The following CNTN4 variants were observed in gnomAD, a reference collection of about 807,000 sequenced individuals.
The protein encoded by CNTN4 is contactin 4.
Under a neutral mutation model 122.5 loss-of-function variants are expected in CNTN4, and 77 were observed. The observed-to-expected ratio is 0.63, with a 90% CI of 0.52 to 0.76. CNTN4 has a LOEUF of 0.76. Among genes scored for constraint, CNTN4 ranks in the 30% least tolerant of loss-of-function variants. The pLI is 0.00. For missense variants in CNTN4, 1,256 were observed against 1,259.1 expected, an observed-to-expected ratio of 1.00 and a Z score of 0.04; for synonymous variants, 512 against 447.0, an observed-to-expected ratio of 1.15 and a Z score of -1.83.
intron 4 of CNTN4, among the ~76,000 whole-genome samples, chr3:2,729,363 G>A (rs985895744): frequency 1.3e-5 from 2 of 151,008 alleles, no homozygotes; most frequent in Non-Finnish European, 2.9e-5. Flanking sequence ...AGGAGATTGA[G>A]ACCATCCCGG....
intron 7 of CNTN4, among the ~76,000 whole-genome samples, chr3:2,850,248 A>G (rs1016733856): frequency 9.2e-5 from 14 of 152,146 alleles, no homozygotes; most frequent in African/African-American, 3.4e-4. Flanking sequence ...TGAGTCTCCC[A>G]AAGTGCAGGG....
At chr3:2,622,430 T>G (rs2082025450) in intron 4 of CNTN4, among the ~76,000 whole-genome samples, 1 of 152,148 alleles carries the variant, frequency 6.6e-6, no homozygotes, top group African/African-American at 2.4e-5. Context: ...CAGTTGGGAT[T>G]ACAAGTGTGT....
In CNTN4 at chr3:2,841,440, G is replaced by A. The variant is rs1034024361; in HGVS notation, c.454+21859G>A. The stretch of plus-strand genomic sequence containing the variant: ...ACATTTACAAATAAAAGAGGATTAG[G>A]ATTATTTTCATTTTAATATTCCCAC... On this transcript the variant is annotated intron_variant, in intron 7 of 24. Transcript: ENST00000418658. The surrounding 1 kb of genome is among the most constrained non-coding windows in gnomAD (Gnocchi z 4.8). 1.3e-5 allele frequency among the ~76,000 whole-genome samples: 2 copies of A among 152,148 alleles called. No homozygotes were observed. Among genetic ancestry groups the A allele is most frequent in the Non-Finnish European group, 2.9e-5 (2 of 68,038 alleles).
intron 3 of CNTN4, among the ~76,000 whole-genome samples, chr3:2,354,953 G>A (rs1349301316): frequency 6.6e-6 from 1 of 152,230 alleles, no homozygotes; most frequent in Non-Finnish European, 1.5e-5. Flanking sequence ...GATACATTGT[G>A]TCAGATTACA....
At chr3:2,995,575 GA>G (rs1695460950) in intron 14 of CNTN4, among the ~76,000 whole-genome samples, 1 of 152,180 alleles carries the variant, frequency 6.6e-6, no homozygotes, top group South Asian at 2.1e-4. Flanking sequence ...CCTCTATGCT[GA>G]AGACAGGCCT....
At chr3:2,855,331 C>A (rs184189755) in intron 7 of CNTN4, among the ~76,000 whole-genome samples, 3 of 152,310 alleles carry the variant, frequency 2.0e-5, no homozygotes, top group African/African-American at 4.8e-5. Flanking sequence ...AATCCCAAAT[C>A]TAATTCCACT....
At chr3:2,167,968 T>TGC (rs1559304869) in intron 2 of CNTN4, among the ~76,000 whole-genome samples, 3 of 152,048 alleles carry the variant, frequency 2.0e-5, no homozygotes, top group Non-Finnish European at 4.4e-5. Flanking sequence ...GAAGACTCCA[T>TGC]CTCTACAAAA....
intron 3 of CNTN4, among the ~76,000 whole-genome samples, chr3:2,412,198 G>A (rs181355164): frequency 6.6e-5 from 10 of 151,546 alleles, no homozygotes; most frequent in East Asian, 5.8e-4. Flanking sequence ...TGAATATATC[G>A]CAATCTCTTC....
chr3:2,121,413 G>A (rs747272629), intron 2 of CNTN4, among the ~76,000 whole-genome samples: 5 of 151,138 alleles, frequency 3.3e-5, no homozygotes, highest in Admixed American at 3.3e-4. Flanking sequence ...CAGGAGAATC[G>A]CTTGAACCTG....
At chr3:2,751,503 G>A (rs1402749145) in intron 6 of CNTN4, among the ~76,000 whole-genome samples, 3 of 151,954 alleles carry the variant, frequency 2.0e-5, no homozygotes, top group East Asian at 1.9e-4. Context: ...ACTCCCTTTC[G>A]TCCAGGAGCA....
At chr3:2,955,474 C>T (rs981812265) in intron 13 of CNTN4, among the ~76,000 whole-genome samples, 1 of 152,178 alleles carries the variant, frequency 6.6e-6, no homozygotes. Flanking sequence ...ATGGCTGCAG[C>T]AGCTCTAGAC....
intron 3 of CNTN4, among the ~76,000 whole-genome samples, chr3:2,423,190 C>A (rs1301726651): frequency 1.3e-5 from 2 of 152,224 alleles, no homozygotes; most frequent in Non-Finnish European, 2.9e-5. Flanking sequence ...TGGAAAGCCT[C>A]ACAAGTTGTT....
chr3:2,478,013 C>T (rs1229414704), intron 3 of CNTN4, among the ~76,000 whole-genome samples: 1 of 152,070 alleles, frequency 6.6e-6, no homozygotes, highest in Admixed American at 6.6e-5. Context: ...TATCAACAGT[C>T]GGATGGTTTA....
At chr3:2,601,251 G>A (rs1199707296) in intron 4 of CNTN4, among the ~76,000 whole-genome samples, 2 of 152,154 alleles carry the variant, frequency 1.3e-5, no homozygotes, top group African/African-American at 4.8e-5. Context: ...ATTGCTTTTG[G>A]TGTTTTAGTC....
intron 5 of CNTN4, 75 bp from the exon 6 acceptor site, chr3:2,745,447 T>G: frequency 8.4e-7 from 1 of 1,195,516 alleles, no homozygotes; most frequent in Non-Finnish European, 1.2e-6. Context: ...ATTTATAGTT[T>G]TTATATATTT....
At chr3:2,480,287 G>T (rs1475471116) in intron 3 of CNTN4, among the ~76,000 whole-genome samples, 2 of 151,840 alleles carry the variant, frequency 1.3e-5, no homozygotes, top group African/African-American at 4.8e-5. Context: ...ACAAGAAAAA[G>T]TAAAAGTATA....
chr3:2,333,441 C>CT (rs1185438643), intron 2 of CNTN4, among the ~76,000 whole-genome samples: 2 of 152,336 alleles, frequency 1.3e-5, no homozygotes, highest in East Asian at 3.9e-4. Flanking sequence ...AAGGTAATGA[C>CT]TTTTTTCTCA....
intron 10 of CNTN4, among the ~76,000 whole-genome samples, chr3:2,899,760 C>G (rs1559638008): frequency 6.6e-6 from 1 of 152,074 alleles, no homozygotes; most frequent in Non-Finnish European, 1.5e-5. Context: ...GTGGGCAGGA[C>G]TTGATTTCCT....
intron 2 of CNTN4, among the ~76,000 whole-genome samples, chr3:2,229,962 A>G (rs1046700750): frequency 6.6e-6 from 1 of 152,198 alleles, no homozygotes; most frequent in Admixed American, 6.5e-5. Context: ...TGAGGGAGTT[A>G]TCAGGAAACC....
Sources: gnomAD v4.1 joint callset for allele counts (sites outside exome capture counted in the v4.1 genomes callset) on GRCh38, gnomAD v4.1.1 for gene constraint, Gnocchi (gnomAD v3.1) non-coding constraint, MANE v1.5 for transcripts, NCBI Gene and HGNC (gene_info 2026-07-23, HGNC 2026-07-21) for gene names.